The following C16orf86 variants were observed in gnomAD, a reference collection of about 807,000 sequenced individuals.
C16orf86 encodes chromosome 16 open reading frame 86, also known as uncharacterized protein C16orf86.
A neutral mutation model predicts 21.5 loss-of-function variants in C16orf86; 19 were observed. The ratio of observed to expected loss-of-function variants is 0.88; its 90% CI spans 0.62 to 1.30. The LOEUF is 1.30. Among genes scored for constraint, C16orf86 ranks in the 50% most tolerant of loss-of-function variants. The pLI is 0.00. For synonymous variants in C16orf86, 188 were observed against 183.5 expected, an observed-to-expected ratio of 1.02 and a Z score of -0.20; for missense variants, 391 against 415.8, an observed-to-expected ratio of 0.94 and a Z score of 0.52.
rs1567649843 is a variant in C16orf86 at position 67,668,439 on chromosome 16, C to T, written c.793C>T (p.Pro265Ser). The T allele has an allele frequency of 6.2e-7, 1 of 1,612,388 alleles. No individual in the cohort carries two copies. Among genetic ancestry groups the T allele is most frequent in the African/African-American group, 1.3e-5 (1 of 74,948 alleles). Residue 265 changes from proline (P) to serine (S), a missense_variant, in exon 4 of 4, where the codon CCC (proline) becomes TCC (serine). Physicochemically the swap from Pro to Ser is moderately conservative, Grantham distance 74. Coordinates refer to ENST00000403458, the MANE Select transcript of C16orf86 (RefSeq NM_001012984.3). ...AGTGACCCCCACCCATGCCCTGGCT[C>T]CCCTCGGAGAGGAGGCTGGAGAGGA... ...PLVTPTHALA[P>S]LGEEAGEEPG...
chr16:67,668,252 T>TG lies in C16orf86; in HGVS notation c.607dup (p.Glu203GlyfsTer13). 1 of 1,603,954 alleles carries TG rather than the reference T, an allele frequency of 6.2e-7. No homozygotes were observed. Among genetic ancestry groups the TG allele is most frequent in the African/African-American group, 1.3e-5 (1 of 74,978 alleles). On this transcript the variant is annotated frameshift_variant, in exon 4 of 4. Coordinates refer to ENST00000403458, the MANE Select transcript of C16orf86 (RefSeq NM_001012984.3). LOFTEE classifies it low-confidence loss of function (END_TRUNC). Reference sequence around the variant, plus strand: ...ACCAGTACGTCAACTATTGCAACCCTGAGCTGAACCAGGCAGGGAAGGGGG... The same window carrying TG: ...ACCAGTACGTCAACTATTGCAACCCTGGAGCTGAACCAGGCAGGGAAGGGGG...
chr16:67,667,077 C>G lies in C16orf86; in HGVS notation c.102+5C>G. 1 of 1,456,260 alleles carries G rather than the reference C, an allele frequency of 6.9e-7. No individual in the cohort carries two copies. The allele number at this position is 1,456,260 out of a possible 1,614,324, so 90.2% of individuals were successfully genotyped here. A position where few individuals can be genotyped will look rare whatever the true frequency, so the allele number is the denominator to read the frequency against. On this transcript the variant is annotated splice_donor_5th_base_variant and intron_variant, in intron 1 of 3. Transcript: ENST00000403458. ...GGCAGCGCTCAGACCTCCGAGGTGA[C>G]CGTCAGGCTGTTTAACCTTCAAACA...
chr16:67,668,221 C>T lies in C16orf86; in HGVS notation c.575C>T (p.Pro192Leu), dbSNP rs747613931. 5.7e-6 allele frequency: 9 copies of T among 1,581,162 alleles called. No homozygotes were observed. The highest frequency in any genetic ancestry group is 5.2e-6 in the Non-Finnish European group (6 of 1,162,572). ...GCAGGAAAGGCCCAGCGCCTGCGGC[C>T]GCTGTACCAGTACGTCAACTATTGC... ...RLERKAQRLR[P>L]LYQYVNYCNP... is the part of the protein sequence containing the mutation. The change falls in exon 4 of 4, where the codon CCG becomes CTG. Residue 192 changes from proline to leucine, a missense_variant. Pro to Leu is a moderately conservative substitution (Grantham distance 98). Transcript: ENST00000403458.
In C16orf86 at chr16:67,667,421, G is replaced by C; in HGVS notation, c.228G>C (p.Gly76=). The C allele has an allele frequency of 6.2e-7, 1 of 1,612,386 alleles. No homozygotes were observed. The highest frequency in any genetic ancestry group is 8.5e-7 in the Non-Finnish European group (1 of 1,179,792). Residue 76 remains glycine (G), a synonymous_variant, in exon 2 of 4, where the codon GGG becomes GGC. Coordinates refer to ENST00000403458, the MANE Select transcript of C16orf86 (RefSeq NM_001012984.3). ...SELQEEGPKL[G]EERPKPHAGA... ...TCCAGGAGGAAGGACCCAAGCTGGGGGAGGAGCGGCCCAAGCCGCATGCCG... is the reference window on the plus strand; with the variant it reads ...TCCAGGAGGAAGGACCCAAGCTGGGCGAGGAGCGGCCCAAGCCGCATGCCG...
Position 67,667,027 on chromosome 16 carries a change from G to T in C16orf86, c.57G>T (p.Gly19=). 4 of 1,455,860 alleles carry T rather than the reference G, an allele frequency of 2.7e-6. No homozygotes were observed. Among genetic ancestry groups the T allele is most frequent in the Non-Finnish European group, 3.6e-6 (4 of 1,111,036 alleles). The allele number at this position is 1,455,860 out of a possible 1,614,324, so 90.2% of individuals were successfully genotyped here. The change falls in exon 1 of 4, where the codon GGG becomes GGT. Residue 19 remains glycine (G), a synonymous_variant. Coordinates refer to ENST00000403458, the MANE Select transcript of C16orf86 (RefSeq NM_001012984.3). ...GGGTCCAGGAGGCGACGGTCGTGGG[G>T]CAGGGACAGCTCACGGAGGAGCCCG... is the stretch of plus-strand genomic sequence containing the variant. ...RPGVQEATVV[G]QGQLTEEPGS...
In C16orf86 at chr16:67,667,592, C is replaced by T. The variant is rs1387635803; in HGVS notation, c.332+67C>T. The T allele has an allele frequency of 2.6e-6, 4 of 1,551,906 alleles. No homozygotes were observed. In the South Asian group the frequency reaches 4.8e-5, roughly 18 times the overall value. ...TGGGGCACACACCACAGTAGGATTC[C>T]TAAATCCTGCACTCCTGCAGGGAGG... is the stretch of plus-strand genomic sequence containing the variant. On this transcript the variant is annotated intron_variant, in intron 2 of 3. Coordinates refer to ENST00000403458, the MANE Select transcript of C16orf86 (RefSeq NM_001012984.3).
At position 67,668,633 on chromosome 16, in the gene C16orf86, C is replaced by T; in HGVS notation, c.*33C>T. ...GCCCCACTGGTGGCTCCCCTCCTTC[C>T]ACGCCTGAATTTGGCTTCAGGCTTC... On this transcript the variant is annotated 3_prime_UTR_variant, in exon 4 of 4. Transcript: ENST00000403458. The T allele has an allele frequency of 6.2e-7, 1 of 1,607,248 alleles. No individual in the cohort carries two copies. Among genetic ancestry groups the T allele is most frequent in the African/African-American group, 1.3e-5 (1 of 74,976 alleles).
Position 67,666,860 on chromosome 16 carries a change from CA to C in C16orf86, c.-110del, listed in dbSNP as rs2053110918. 1 of 714,284 alleles carries C rather than the reference CA, an allele frequency of 1.4e-6. No homozygotes were observed. The highest frequency in any genetic ancestry group is 2.1e-6 in the Non-Finnish European group (1 of 474,946). 44.2% of individuals were successfully genotyped at this position (714,284 alleles called of 1,614,324 possible). A position where few individuals can be genotyped will look rare whatever the true frequency, so the allele number is the denominator to read the frequency against. On this transcript the variant is annotated 5_prime_UTR_variant, in exon 1 of 4. Coordinates refer to ENST00000403458, the MANE Select transcript of C16orf86 (RefSeq NM_001012984.3). ...CTCCGCGGTCGCCGGTTTCTCTTCCCAGCTCTGCCCTCGCTTGCTGGCCGGT... is the reference window on the plus strand; with the variant it reads ...CTCCGCGGTCGCCGGTTTCTCTTCCCGCTCTGCCCTCGCTTGCTGGCCGGT...
intron 1 of C16orf86, 48 bp downstream of exon 1, chr16:67,667,120 G>C (rs1369441070): frequency 1.4e-6 from 2 of 1,460,378 alleles, no homozygotes; most frequent in African/African-American, 2.8e-5. Flanking sequence ...GCAGCGCTCT[G>C]AGAGGTGGAA....
rs1197223486 is a variant in C16orf86, at chr16:67,667,408, G to GT, written c.215_216insT (p.Pro73ThrfsTer51). The GT allele has an allele frequency of 3.1e-6, 5 of 1,612,446 alleles. No homozygotes were observed. Among genetic ancestry groups the GT allele is most frequent in the Non-Finnish European group, 4.2e-6 (5 of 1,179,842 alleles). Reference sequence around the variant, plus strand: ...TCGGAGTCGGAGCTCCAGGAGGAAGGACCCAAGCTGGGGGAGGAGCGGCCC... The same window carrying GT: ...TCGGAGTCGGAGCTCCAGGAGGAAGGTACCCAAGCTGGGGGAGGAGCGGCCC... On this transcript the variant is annotated frameshift_variant, in exon 2 of 4. Transcript: ENST00000403458. LOFTEE classifies it high-confidence loss of function.
intron 2 of C16orf86, 130 bp from the exon 3 acceptor site, chr16:67,667,748 C>T (rs2053124287): frequency 1.3e-6 from 2 of 1,515,650 alleles, no homozygotes; most frequent in Non-Finnish European, 1.8e-6. Flanking sequence ...CCTCTTGGGC[C>T]TGGGGTCTCA....
chr16:67,667,072 G>A lies in C16orf86; in HGVS notation c.102G>A (p.Glu34=). 3 of 1,455,404 alleles carry A rather than the reference G, an allele frequency of 2.1e-6. No homozygotes were observed. The allele number at this position is 1,455,404 out of a possible 1,614,324, so 90.2% of individuals were successfully genotyped here. A position where few individuals can be genotyped will look rare whatever the true frequency, so the allele number is the denominator to read the frequency against. Reference sequence around the variant, plus strand: ...AGCCCGGCAGCGCTCAGACCTCCGAGGTGACCGTCAGGCTGTTTAACCTTC... The same window carrying A: ...AGCCCGGCAGCGCTCAGACCTCCGAAGTGACCGTCAGGCTGTTTAACCTTC... The part of the protein sequence containing the change: ...TEEPGSAQTS[E]CPVAGDQFLV... The change falls in exon 1 of 4, where the codon GAG becomes GAA. Residue 34 remains glutamate, a splice_region_variant and synonymous_variant. Transcript: ENST00000403458.
rs1416891570 is a variant in C16orf86 at position 67,667,244 on chromosome 16, C to T, written c.103-52C>T. 7 of 1,557,202 alleles carry T rather than the reference C, an allele frequency of 4.5e-6. No individual in the cohort carries two copies. The African/African-American group carries it at 5.4e-5, about 12-fold the overall frequency. Reference sequence around the variant, plus strand: ...AACGTTAGGTGTTCAGTGACGGATCCCTATGTCCTTTGCCCGGCCATGGTG... The same window carrying T: ...AACGTTAGGTGTTCAGTGACGGATCTCTATGTCCTTTGCCCGGCCATGGTG... On this transcript the variant is annotated intron_variant, in intron 1 of 3. Coordinates refer to ENST00000403458, the MANE Select transcript of C16orf86 (RefSeq NM_001012984.3).
rs1305773609 is a variant in C16orf86 at position 67,667,416 on chromosome 16, C to T, written c.223C>T (p.Leu75=). 2.5e-6 allele frequency: 4 copies of T among 1,612,326 alleles called. No homozygotes were observed. The highest frequency in any genetic ancestry group is 3.4e-6 in the Non-Finnish European group (4 of 1,179,810). The change falls in exon 2 of 4, where the codon CTG becomes TTG. Residue 75 remains leucine (L), a synonymous_variant. Coordinates refer to ENST00000403458, the MANE Select transcript of C16orf86 (RefSeq NM_001012984.3). ...GGAGCTCCAGGAGGAAGGACCCAAG[C>T]TGGGGGAGGAGCGGCCCAAGCCGCA... ...ESELQEEGPK[L]GEERPKPHAG...
intron 3 of C16orf86, 40 bp from the exon 4 acceptor site, chr16:67,668,160 C>G: frequency 6.3e-7 from 1 of 1,588,670 alleles, no homozygotes; most frequent in Admixed American, 1.7e-5. Flanking sequence ...CATGGCACAA[C>G]CTGGCGCTCT....
chr16:67,667,657 C>T, intron 2 of C16orf86, 132 bp downstream of exon 2: 1 of 1,541,516 alleles, frequency 6.5e-7, no homozygotes, highest in Non-Finnish European at 8.7e-7. Context: ...TCCTCCCGTT[C>T]CTCAAGAGCC....
At position 67,668,000 on chromosome 16, in the gene C16orf86, A is replaced by T; in HGVS notation, c.455A>T (p.Gln152Leu). The T allele has an allele frequency of 1.2e-6, 2 of 1,613,486 alleles. No individual in the cohort carries two copies. The highest frequency in any genetic ancestry group is 4.5e-5 in the East Asian group (2 of 44,904). Residue 152 changes from glutamine to leucine, a missense_variant, in exon 3 of 4, where the codon CAG (glutamine) becomes CTG (leucine). Gln to Leu is a moderately radical substitution (Grantham distance 113, BLOSUM62 -2). Coordinates refer to ENST00000403458, the MANE Select transcript of C16orf86 (RefSeq NM_001012984.3). ...SQSEPSPSAK[Q>L]HKKAKKRKSL... ...AGTGAGCCCTCACCATCTGCCAAAC[A>T]GCACAAAAAAGCCAAGAAGCGCAAG... is the stretch of plus-strand genomic sequence containing the variant.
Position 67,667,344 on chromosome 16 carries a change from G to A in C16orf86, c.151G>A (p.Gly51Arg). 2 of 1,612,658 alleles carry A rather than the reference G, an allele frequency of 1.2e-6. No individual in the cohort carries two copies. The highest frequency in any genetic ancestry group is 1.7e-6 in the Non-Finnish European group (2 of 1,179,856). Reference sequence around the variant, plus strand: ...CCTGGTGCCTGCCCATGAGGCCCGCGGAACCCAGAGTGAAGACCAGCGCCC... The same window carrying A: ...CCTGGTGCCTGCCCATGAGGCCCGCAGAACCCAGAGTGAAGACCAGCGCCC... ...QFLVPAHEARGTQSEDQRPAG... is the reference protein window; with the variant it reads ...QFLVPAHEARRTQSEDQRPAG... The change falls in exon 2 of 4, where the codon GGA becomes AGA. Residue 51 changes from glycine (G) to arginine (R), a missense_variant. Gly to Arg is a moderately radical substitution (Grantham distance 125, BLOSUM62 -2). Coordinates refer to ENST00000403458, the MANE Select transcript of C16orf86 (RefSeq NM_001012984.3).
At position 67,666,876 on chromosome 16, in the gene C16orf86, T is replaced by G; in HGVS notation, c.-95T>G. On this transcript the variant is annotated 5_prime_UTR_variant, in exon 1 of 4. Transcript: ENST00000403458. ...TTCTCTTCCCAGCTCTGCCCTCGCTTGCTGGCCGGTCTCCGGGGTCAGCGC... is the reference window on the plus strand; with the variant it reads ...TTCTCTTCCCAGCTCTGCCCTCGCTGGCTGGCCGGTCTCCGGGGTCAGCGC... The G allele has an allele frequency of 1.2e-6, 1 of 841,472 alleles. No homozygotes were observed. The allele number at this position is 841,472 out of a possible 1,614,324, so 52.1% of individuals were successfully genotyped here.
Sources: gnomAD v4.1 joint callset for allele counts on GRCh38, gnomAD v4.1.1 for gene constraint, MANE v1.5 for transcripts, NCBI Gene and HGNC (gene_info 2026-07-23, HGNC 2026-07-21) for gene names.